The following PACRG variants were observed in gnomAD, a reference collection of about 807,000 sequenced individuals.
PACRG encodes parkin coregulated, also known as parkin coregulated gene protein.
A neutral mutation model predicts 29.7 loss-of-function variants in PACRG; 29 were observed. The ratio of observed to expected loss-of-function variants is 0.98; its 90% confidence interval spans 0.73 to 1.33. PACRG has a LOEUF of 1.33. Among genes scored for constraint, PACRG ranks in the 40% most tolerant of loss-of-function variants. PACRG has a pLI of 0.00. For synonymous variants in PACRG, 116 were observed against 118.7 expected (o/e 0.98, Z 0.15); for missense variants, 279 against 316.2 (o/e 0.88, Z 0.89).
At chr6:162,828,662 C>T (rs1371672120) in intron 2 of PACRG, among the ~76,000 whole-genome samples, 1 of 152,072 alleles carries the variant, frequency 6.6e-6, no homozygotes, top group Non-Finnish European at 1.5e-5. Flanking sequence ...GATATAGCAC[C>T]CTTTTGTGGG....
intron 2 of PACRG, among the ~76,000 whole-genome samples, chr6:162,903,515 C>T (rs530705470): frequency 3.3e-5 from 5 of 151,978 alleles, no homozygotes; most frequent in African/African-American, 1.2e-4. Flanking sequence ...TGGCGGCAGG[C>T]AAGAGAGAAT....
In PACRG at chr6:162,992,391, A is replaced by G. The variant is rs879484629; in HGVS notation, c.292-69759A>G. Among the ~76,000 whole-genome samples the G allele has an allele frequency of 7.4e-3, 1,048 of 142,362 alleles. 49 individuals are homozygous for G. Among genetic ancestry groups the G allele is most frequent in the Admixed American group, 0.066 (936 of 14,102 alleles). The allele number at this position is 142,362 out of a possible 152,430, so 93.4% of individuals were successfully genotyped here. On this transcript the variant is annotated intron_variant, in intron 2 of 4. Transcript: ENST00000366888. ...GTCCTGGACTCTTTTTGGTTGGTAA[A>G]CTATTGATTATTGCCCCAATTTCAG...
intron 4 of PACRG, among the ~76,000 whole-genome samples, chr6:163,102,374 A>G (rs1355512573): frequency 6.6e-6 from 1 of 152,226 alleles, no homozygotes; most frequent in African/African-American, 2.4e-5. Flanking sequence ...CTAATGAAAC[A>G]GTGAAGAACT....
At chr6:162,967,749 C>T (rs531637722) in intron 2 of PACRG, among the ~76,000 whole-genome samples, 4 of 152,020 alleles carry the variant, frequency 2.6e-5, no homozygotes, top group East Asian at 1.9e-4. Context: ...CCTCATGATC[C>T]GCCCATCTTG....
intron 2 of PACRG, among the ~76,000 whole-genome samples, chr6:162,865,107 G>A (rs998431188): frequency 3.9e-5 from 6 of 152,228 alleles, no homozygotes; most frequent in Admixed American, 2.0e-4. Context: ...CCTCTAGGAC[G>A]GGATAAAACC....
At chr6:162,817,842 T>A (rs550003171) in intron 2 of PACRG, among the ~76,000 whole-genome samples, 1 of 152,250 alleles carries the variant, frequency 6.6e-6, no homozygotes, top group Non-Finnish European at 1.5e-5. Context: ...TCTGTGGATT[T>A]TTTGTCATGG....
rs573446685 is a variant in PACRG at position 163,283,693 on chromosome 6, C to T, written c.614-31134C>T. On this transcript the variant is annotated intron_variant, in intron 4 of 4. Transcript: ENST00000366888. ...GCGGGCGCCTGTAGTCCCAGCTACT[C>T]GGGAGGCTGAGGCAGGAGAATGGCG... is the stretch of plus-strand genomic sequence containing the variant. Among the ~76,000 whole-genome samples the T allele has an allele frequency of 2.6e-3, 397 of 150,060 alleles. 2 individuals are homozygous for T. Among genetic ancestry groups the T allele is most frequent in the African/African-American group, 9.3e-3 (380 of 40,668 alleles).
intron 4 of PACRG, among the ~76,000 whole-genome samples, chr6:163,129,194 G>A (rs1816634142): frequency 1.3e-5 from 2 of 152,208 alleles, no homozygotes; most frequent in Admixed American, 6.5e-5. Flanking sequence ...GGAAGTTGGG[G>A]AAGGGTCTGG....
chr6:163,240,980 C>A (rs1467240150), intron 4 of PACRG, among the ~76,000 whole-genome samples: 1 of 152,192 alleles, frequency 6.6e-6, no homozygotes, highest in African/African-American at 2.4e-5. Context: ...TCCCCAAAAT[C>A]GGACTTTTCT....
At chr6:163,290,421 C>T (rs1281865552) in intron 4 of PACRG, among the ~76,000 whole-genome samples, 1 of 152,132 alleles carries the variant, frequency 6.6e-6, no homozygotes, top group Non-Finnish European at 1.5e-5. Context: ...GTTGACCAGA[C>T]CCAAATCTAA....
At chr6:163,037,614 T>C (rs963829322) in intron 2 of PACRG, among the ~76,000 whole-genome samples, 1 of 152,214 alleles carries the variant, frequency 6.6e-6, no homozygotes, top group African/African-American at 2.4e-5. Flanking sequence ...TGAAACTTCT[T>C]CGGCCCATGC....
rs1190659521 is a variant in PACRG, at chr6:163,264,762, G to T, written c.614-50065G>T. On this transcript the variant is annotated intron_variant, in intron 4 of 4. Transcript: ENST00000366888. ...TTACCTCTAGGCTTAGGACGGAGGA[G>T]TTGCTGCCAACTTTTAAACACCTGA... Among the ~76,000 whole-genome samples, 5 of 152,182 alleles carry T rather than the reference G, an allele frequency of 3.3e-5. 1 individual carries two copies. The highest frequency in any genetic ancestry group is 5.9e-5 in the Non-Finnish European group (4 of 68,036).
chr6:163,023,199 G>A (rs139728106), intron 2 of PACRG, among the ~76,000 whole-genome samples: 2 of 152,258 alleles, frequency 1.3e-5, no homozygotes, highest in East Asian at 1.9e-4. Flanking sequence ...CATAATACCC[G>A]ATGGGTAGTT....
chr6:163,049,926 T>C (rs1809819118), intron 2 of PACRG, among the ~76,000 whole-genome samples: 1 of 152,090 alleles, frequency 6.6e-6, no homozygotes, highest in Admixed American at 6.5e-5. Flanking sequence ...CAGTTCCTCT[T>C]CCAGGAATTT....
At chr6:162,986,890 ATC>A (rs1183490860) in intron 2 of PACRG, among the ~76,000 whole-genome samples, 1 of 151,422 alleles carries the variant, frequency 6.6e-6, no homozygotes, top group East Asian at 1.9e-4. Context: ...TCTTTATGAT[ATC>A]TGTTTCCCTG....
chr6:163,194,603 C>T (rs749958741), intron 4 of PACRG, among the ~76,000 whole-genome samples: 6 of 152,154 alleles, frequency 3.9e-5, no homozygotes, highest in East Asian at 1.9e-4. Context: ...AGGGTGCAGC[C>T]GGGGTGTCCG....
intron 2 of PACRG, among the ~76,000 whole-genome samples, chr6:162,916,792 A>G (rs1221225242): frequency 6.6e-6 from 1 of 152,048 alleles, no homozygotes; most frequent in Non-Finnish European, 1.5e-5. Flanking sequence ...CCTCAAACAA[A>G]GCAAGATCTC....
At chr6:162,929,675 TC>T (rs1310905393) in intron 2 of PACRG, among the ~76,000 whole-genome samples, 1 of 152,000 alleles carries the variant, frequency 6.6e-6, no homozygotes, top group African/African-American at 2.4e-5. Flanking sequence ...TGGAGCATTT[TC>T]CCCAATGATC....
At chr6:162,955,254 C>G (rs1053801718) in intron 2 of PACRG, among the ~76,000 whole-genome samples, 4 of 151,868 alleles carry the variant, frequency 2.6e-5, no homozygotes, top group African/African-American at 9.7e-5. Flanking sequence ...TTCAAATTCC[C>G]CTAATGGTTT....
Sources: allele counts gnomAD v4.1 joint callset (sites outside exome capture counted in the v4.1 genomes callset), GRCh38; gene constraint gnomAD v4.1.1; transcripts MANE v1.5; gene names NCBI Gene and HGNC (gene_info 2026-07-23, HGNC 2026-07-21).